Variants in TMEM242 observed in about 807,000 individuals in gnomAD.
TMEM242 encodes the protein transmembrane protein 242.
TMEM242 carries 10 observed loss-of-function variants against 18.2 expected under a neutral mutation model. That is an observed-to-expected ratio of 0.55 (90% CI 0.34 to 0.93). The LOEUF is 0.93. TMEM242 is among the 40% of genes least tolerant of loss of function. The pLI is 0.02. For missense variants in TMEM242, 186 were observed against 175.5 expected (o/e 1.06, Z -0.34); for synonymous variants, 57 against 69.9 (o/e 0.81, Z 0.92).
chr6:157,303,311 A>G (rs1777854737), intron 3 of TMEM242, among the ~76,000 whole-genome samples: 2 of 152,162 alleles, frequency 1.3e-5, no homozygotes. Flanking sequence ...GGGGCCACAG[A>G]CCCCATCTAG....
At chr6:157,307,495 A>T (rs1554248010) in intron 3 of TMEM242, among the ~76,000 whole-genome samples, 1 of 152,182 alleles carries the variant, frequency 6.6e-6, no homozygotes, top group East Asian at 1.9e-4. Flanking sequence ...TTGACTTTTT[A>T]AAAAAGTACA....
At chr6:157,311,378 CAGTGTG>C (rs1778081488) in intron 3 of TMEM242, among the ~76,000 whole-genome samples, 15 of 56,308 alleles carry the variant, frequency 2.7e-4, no homozygotes, top group South Asian at 6.6e-4. Context: ...CATAGTGTTC[CAGTGTG>C]CGCTCACCTA....
intron 3 of TMEM242, chr6:157,299,614 C>T (rs1777799779): frequency 2.5e-6 from 4 of 1,597,486 alleles, no homozygotes; most frequent in Admixed American, 3.3e-5. Flanking sequence ...CAATAATCAG[C>T]TTGCAGAGGG....
intron 3 of TMEM242, among the ~76,000 whole-genome samples, chr6:157,297,392 C>T (rs1777765188): frequency 6.6e-6 from 1 of 152,070 alleles, no homozygotes; most frequent in Non-Finnish European, 1.5e-5. Flanking sequence ...CAGGTTATGT[C>T]CCCAATTTAA....
At position 157,290,470 on chromosome 6, in the gene TMEM242, C is replaced by G. The variant is rs1201015711; in HGVS notation, c.*2431G>C. 2.0e-5 allele frequency: 3 copies of G among 152,210 alleles called. No individual in the cohort carries two copies. The highest frequency in any genetic ancestry group is 2.9e-5 in the Non-Finnish European group (2 of 68,038). The allele number at this position is 152,210 out of a possible 1,614,324, so 9.4% of individuals were successfully genotyped here. On this transcript the variant is annotated 3_prime_UTR_variant, in exon 4 of 4. Transcript: ENST00000400788. ...TGTCATACTCAACCCAAGATAAAGACAGCAAAGAAGGCAAACTTGAAATTC... is the reference window on the plus strand; with the variant it reads ...TGTCATACTCAACCCAAGATAAAGAGAGCAAAGAAGGCAAACTTGAAATTC...
intron 3 of TMEM242, 152 bp downstream of exon 3, chr6:157,318,630 A>C: frequency 1.3e-6 from 1 of 783,234 alleles, no homozygotes; most frequent in Non-Finnish European, 2.0e-6. Flanking sequence ...GAAGTTGTCT[A>C]GTTATTTGTA....
intron 3 of TMEM242, among the ~76,000 whole-genome samples, chr6:157,306,835 C>T (rs1050532554): frequency 3.9e-5 from 6 of 151,962 alleles, no homozygotes; most frequent in African/African-American, 1.5e-4. Flanking sequence ...AAGAAGCAAA[C>T]AATAAATGAT....
chr6:157,320,753 C>T (rs1211687129), intron 2 of TMEM242, among the ~76,000 whole-genome samples: 1 of 152,146 alleles, frequency 6.6e-6, no homozygotes, highest in African/African-American at 2.4e-5. Context: ...TAAAAGTTTT[C>T]TAAAATCTAA....
Position 157,318,867 on chromosome 6 carries a change from C to T in TMEM242, c.242G>A (p.Arg81Gln), listed in dbSNP as rs782344812. ...ATACAGGGAGCCCCAGCCCAGAGCT[C>T]GCAAGGCAAGGGAAGACCCGCTTTC... Reference protein sequence around the residue: ...LPESGSSLALRALGWGSLYAW... With the variant: ...LPESGSSLALQALGWGSLYAW... Residue 81 changes from arginine (R) to glutamine (Q), a missense_variant, in exon 3 of 4, where the codon CGA (arginine) becomes CAA (glutamine). Arg to Gln is a conservative substitution (Grantham distance 43). Coordinates refer to ENST00000400788, the MANE Select transcript of TMEM242 (RefSeq NM_018452.6). 4.3e-6 allele frequency: 7 copies of T among 1,612,592 alleles called. No individual in the cohort carries two copies. Among genetic ancestry groups the T allele is most frequent in the Admixed American group, 1.7e-5 (1 of 59,804 alleles).
rs1554249068 is a variant in TMEM242, at chr6:157,312,011, C to CATCAT, written c.327+6770_327+6771insATGAT. Among the ~76,000 whole-genome samples, 3 of 68,034 alleles carry CATCAT rather than the reference C, an allele frequency of 4.4e-5. 1 individual carries two copies. The highest frequency in any genetic ancestry group is 2.0e-4 in the African/African-American group (3 of 15,032). 44.6% of individuals were successfully genotyped at this position (68,034 alleles called of 152,430 possible). ...GCCCCAGTGAGCACTCACCTAGCCT[C>CATCAT]AGCATAGTGCCCCAGTGTGCACTCA... On this transcript the variant is annotated intron_variant, in intron 3 of 3. Transcript: ENST00000400788.
At position 157,305,586 on chromosome 6, in the gene TMEM242, G is replaced by A. The variant is rs184429462; in HGVS notation, c.328-12587C>T. 1.3e-3 allele frequency among the ~76,000 whole-genome samples: 193 copies of A among 152,312 alleles called. No individual in the cohort carries two copies. Among genetic ancestry groups the A allele is most frequent in the African/African-American group, 3.9e-3 (162 of 41,564 alleles). On this transcript the variant is annotated intron_variant, in intron 3 of 3. Coordinates refer to ENST00000400788, the MANE Select transcript of TMEM242 (RefSeq NM_018452.6). This position sits in a 1 kb window ranked among gnomAD's most constrained non-coding sequence, Gnocchi z 4.1. The stretch of plus-strand genomic sequence containing the variant: ...TGTTTTAAAGTGGCAGGGACTGGAC[G>A]AAAGAGCCAAGGGGCGGAGGATAGA...
chr6:157,318,105 A>C (rs1778436884), intron 3 of TMEM242: 1 of 152,276 alleles, frequency 6.6e-6, no homozygotes. Flanking sequence ...ATAACACATT[A>C]GTAATTTAAA....
At chr6:157,296,371 T>A (rs1777749509) in intron 3 of TMEM242, among the ~76,000 whole-genome samples, 1 of 152,170 alleles carries the variant, frequency 6.6e-6, no homozygotes, top group South Asian at 2.1e-4. Context: ...CCTGCACACC[T>A]CCAGGGGGTG....
chr6:157,310,705 C>G (rs111834019), intron 3 of TMEM242, among the ~76,000 whole-genome samples: 2 of 2,450 alleles, frequency 8.2e-4, no homozygotes, highest in South Asian at 0.013. Flanking sequence ...CATCATAGTG[C>G]CCCAGTGTGC....
chr6:157,295,499 G>C (rs1225314958), intron 3 of TMEM242, among the ~76,000 whole-genome samples: 2 of 152,132 alleles, frequency 1.3e-5, no homozygotes, highest in African/African-American at 4.8e-5. Context: ...GCCAAGACAT[G>C]AACAGAATCA....
At chr6:157,299,882 C>A (rs1554247393) in intron 3 of TMEM242, 1 of 1,613,012 alleles carries the variant, frequency 6.2e-7, no homozygotes, top group African/African-American at 1.3e-5. Flanking sequence ...ATCACTCAAG[C>A]CTTTTAATAA....
chr6:157,322,684 A>G lies in TMEM242; in HGVS notation c.189+21T>C, dbSNP rs146925871. 2,332 of 1,594,458 alleles carry G rather than the reference A, an allele frequency of 1.5e-3. 27 individuals are homozygous for G. The African/African-American group carries it at 0.028, about 19-fold the overall frequency. On this transcript the variant is annotated intron_variant, in intron 2 of 3. Transcript: ENST00000400788. ...ATTGTAAACAATAACAATGCTATGA[A>G]TGGATTTCAGTGTCACCAACCTTAT...
At chr6:157,299,465 G>C in intron 3 of TMEM242, 13 of 1,390,580 alleles carry the variant, frequency 9.3e-6, no homozygotes, top group South Asian at 8.1e-5. Context: ...GCAGTTTTCA[G>C]AGTGGATACC....
At chr6:157,318,089 G>A (rs1185079631) in intron 3 of TMEM242, 2 of 152,172 alleles carry the variant, frequency 1.3e-5, no homozygotes, top group African/African-American at 4.8e-5. Context: ...TTCCAAAAAT[G>A]TGTAAATAAC....
Sources: gnomAD v4.1 joint callset for allele counts (sites outside exome capture counted in the v4.1 genomes callset) on GRCh38, gnomAD v4.1.1 for gene constraint, Gnocchi (gnomAD v3.1) non-coding constraint, MANE v1.5 for transcripts, NCBI Gene and HGNC (gene_info 2026-07-23, HGNC 2026-07-21) for gene names.